The following NRG3 variants were observed in gnomAD, a reference collection of about 807,000 sequenced individuals.
NRG3 encodes the protein neuregulin 3, also known as pro-neuregulin-3, membrane-bound isoform.
In NRG3, 31 loss-of-function variants were observed where a neutral mutation model predicts 66.9. That is an observed-to-expected ratio of 0.46 (90% CI 0.35 to 0.63). The LOEUF is 0.63. Ranked by LOEUF, NRG3 falls within the 20% of genes least tolerant of loss-of-function variation. The pLI, the probability that NRG3 is intolerant of heterozygous loss-of-function variation, is 0.00. For synonymous variants in NRG3, 393 were observed against 359.4 expected (o/e 1.09, Z -1.06); for missense variants, 910 against 878.9 (o/e 1.04, Z -0.45).
chr10:81,938,231 G>A (rs992061383), intron 1 of NRG3, among the ~76,000 whole-genome samples: 1 of 151,694 alleles, frequency 6.6e-6, no homozygotes, highest in Admixed American at 6.6e-5. Context: ...GATGTCATAA[G>A]AATTTTGAAA....
chr10:82,027,971 A>G (rs2062392601), intron 1 of NRG3, among the ~76,000 whole-genome samples: 1 of 151,964 alleles, frequency 6.6e-6, no homozygotes, highest in African/African-American at 2.4e-5. Context: ...CCCATCCACT[A>G]CTCACTGCCC....
chr10:82,119,778 A>G (rs2067968697), intron 1 of NRG3, among the ~76,000 whole-genome samples: 1 of 152,178 alleles, frequency 6.6e-6, no homozygotes. Flanking sequence ...AAGTGGCACC[A>G]TGTTGAGAAA....
intron 1 of NRG3, among the ~76,000 whole-genome samples, chr10:82,289,884 G>T (rs1019842491): frequency 6.6e-6 from 1 of 152,158 alleles, no homozygotes; most frequent in African/African-American, 2.4e-5. Context: ...CTGCCTCTAA[G>T]CATTGTTAGG....
chr10:82,431,843 A>G (rs1470330474), intron 2 of NRG3, among the ~76,000 whole-genome samples: 2 of 152,176 alleles, frequency 1.3e-5, no homozygotes, highest in Non-Finnish European at 2.9e-5. Context: ...TGGACAATAC[A>G]TATTATTCTG....
In NRG3 at chr10:82,442,395, A is replaced by G. The variant is rs140590330; in HGVS notation, c.953+83527A>G. 3.8e-3 allele frequency among the ~76,000 whole-genome samples: 572 copies of G among 152,302 alleles called. 1 individual carries two copies. The highest frequency in any genetic ancestry group is 0.013 in the African/African-American group (542 of 41,560). ...CATAGAAAGTTCTTTGGCCTGGTTA[A>G]AGACGCATTCACAGAGAAATGGCAA... On this transcript the variant is annotated intron_variant, in intron 2 of 8. Coordinates refer to ENST00000372141, the MANE Select transcript of NRG3 (RefSeq NM_001010848.4).
At chr10:82,140,243 T>C (rs1287645947) in intron 1 of NRG3, among the ~76,000 whole-genome samples, 1 of 152,150 alleles carries the variant, frequency 6.6e-6, no homozygotes, top group Non-Finnish European at 1.5e-5. Flanking sequence ...ATTTCCCTCT[T>C]GTGTCAGATC....
chr10:82,667,840 C>G (rs1272614735), intron 2 of NRG3, among the ~76,000 whole-genome samples: 4 of 152,190 alleles, frequency 2.6e-5, no homozygotes, highest in Non-Finnish European at 4.4e-5. Context: ...GCAGTAACAT[C>G]TCAGATAACT....
Position 82,114,056 on chromosome 10 carries a change from G to A in NRG3, c.823+237893G>A, listed in dbSNP as rs535735262. 3.2e-3 allele frequency among the ~76,000 whole-genome samples: 492 copies of A among 152,210 alleles called. 4 individuals are homozygous for A. The highest frequency in any genetic ancestry group is 6.0e-3 in the African/African-American group (248 of 41,524). ...GTCTATCAGTCTCCCTGCTCTGGAC[G>A]TTTTACATGAATGGAATTCTGTAAT... is the stretch of plus-strand genomic sequence containing the variant. On this transcript the variant is annotated intron_variant, in intron 1 of 8. Transcript: ENST00000372141.
intron 2 of NRG3, among the ~76,000 whole-genome samples, chr10:82,667,352 AGATGT>A (rs1369066540): frequency 6.6e-6 from 1 of 152,184 alleles, no homozygotes; most frequent in Non-Finnish European, 1.5e-5. Flanking sequence ...GGTGTGAGGC[AGATGT>A]GAAGAATGAT....
chr10:82,053,008 A>T (rs554981795), intron 1 of NRG3, among the ~76,000 whole-genome samples: 50 of 151,652 alleles, frequency 3.3e-4, no homozygotes, highest in Non-Finnish European at 4.6e-4. Flanking sequence ...AATAAAATTT[A>T]TTAATTCATT....
rs552248834 is a variant in NRG3, at chr10:82,603,749, C to A, written c.954-134828C>A. 1.3e-4 allele frequency among the ~76,000 whole-genome samples: 19 copies of A among 151,956 alleles called. No homozygotes were observed. In the East Asian group the frequency reaches 3.5e-3, roughly 28 times the overall value. ...TCATGTGAACTGTGTTAAAAAGTTG[C>A]TTTTATGTAGGATTAATTTAAATAG... is the stretch of plus-strand genomic sequence containing the variant. On this transcript the variant is annotated intron_variant, in intron 2 of 8. Coordinates refer to ENST00000372141, the MANE Select transcript of NRG3 (RefSeq NM_001010848.4).
At chr10:81,901,627 C>G (rs1844080421) in intron 1 of NRG3, among the ~76,000 whole-genome samples, 1 of 152,094 alleles carries the variant, frequency 6.6e-6, no homozygotes. Context: ...CCGATTGCAT[C>G]ACTGCATTCC....
chr10:82,824,828 C>T (rs1268193529), intron 3 of NRG3, among the ~76,000 whole-genome samples: 1 of 151,900 alleles, frequency 6.6e-6, no homozygotes, highest in Admixed American at 6.6e-5. Flanking sequence ...GTCATCCCCC[C>T]ATTTCAGCCT....
intron 1 of NRG3, among the ~76,000 whole-genome samples, chr10:82,051,057 C>T (rs1216925972): frequency 1.3e-5 from 2 of 152,018 alleles, no homozygotes; most frequent in African/African-American, 4.8e-5. Context: ...ATGGGCAAAG[C>T]AATATATCGA....
intron 2 of NRG3, among the ~76,000 whole-genome samples, chr10:82,562,432 T>G (rs1035506340): frequency 2.6e-5 from 4 of 152,216 alleles, no homozygotes; most frequent in African/African-American, 9.6e-5. Context: ...CATAGCTTGC[T>G]GTAAATACTG....
chr10:81,975,898 A>G (rs1298779234), intron 1 of NRG3, among the ~76,000 whole-genome samples: 1 of 152,136 alleles, frequency 6.6e-6, no homozygotes, highest in East Asian at 1.9e-4. Context: ...AAATTCAGAG[A>G]TAGATTTGAA....
At chr10:82,312,404 G>A (rs1564782640) in intron 1 of NRG3, among the ~76,000 whole-genome samples, 1 of 152,120 alleles carries the variant, frequency 6.6e-6, no homozygotes, top group Non-Finnish European at 1.5e-5. Flanking sequence ...ATATAAAAAG[G>A]TTGGCAGAAA....
At chr10:82,169,208 T>TA (rs1277625992) in intron 1 of NRG3, among the ~76,000 whole-genome samples, 2 of 152,136 alleles carry the variant, frequency 1.3e-5, no homozygotes, top group East Asian at 3.9e-4. Context: ...CTTTTATTCT[T>TA]ATAATTCTAA....
chr10:82,883,181 A>G (rs1030129096), intron 4 of NRG3, among the ~76,000 whole-genome samples: 3 of 152,196 alleles, frequency 2.0e-5, no homozygotes, highest in South Asian at 4.1e-4. Flanking sequence ...TTGGAAAATT[A>G]TATTGTCATA....
Sources: gnomAD v4.1 joint callset for allele counts (sites outside exome capture counted in the v4.1 genomes callset) on GRCh38, gnomAD v4.1.1 for gene constraint, MANE v1.5 for transcripts, NCBI Gene and HGNC (gene_info 2026-07-23, HGNC 2026-07-21) for gene names.